Variants in SAP30BP observed in about 807,000 individuals in gnomAD.
SAP30BP encodes the protein SAP30 binding protein.
Under a neutral mutation model 46.3 loss-of-function variants are expected in SAP30BP, and 31 were observed. The observed-to-expected ratio is 0.67, with a 90% confidence interval of 0.50 to 0.90. SAP30BP has a LOEUF of 0.90. Ranked by LOEUF, SAP30BP falls within the 40% of genes least tolerant of loss-of-function variation. The pLI, the probability that SAP30BP is intolerant of heterozygous loss-of-function variation, is 0.00. For missense variants in SAP30BP, 312 were observed against 391.0 expected, an observed-to-expected ratio of 0.80 and a Z score of 1.70; for synonymous variants, 169 against 144.2, an observed-to-expected ratio of 1.17 and a Z score of -1.23.
At chr17:75,699,899 C>G in intron 5 of SAP30BP, 28 bp downstream of exon 5, 2 of 1,521,912 alleles carry the variant, frequency 1.3e-6, no homozygotes, top group Non-Finnish European at 1.8e-6. Flanking sequence ...CTACTGAGGT[C>G]GGATAGATTA....
At chr17:75,675,114 G>A (rs147914012) in intron 3 of SAP30BP, among the ~76,000 whole-genome samples, 92 of 152,142 alleles carry the variant, frequency 6.0e-4, no homozygotes, top group African/African-American at 2.0e-3. Flanking sequence ...CCACTAGGTG[G>A]CATTCTCCTT....
chr17:75,675,487 T>A (rs1188964741), intron 3 of SAP30BP, among the ~76,000 whole-genome samples: 1 of 152,212 alleles, frequency 6.6e-6, no homozygotes, highest in East Asian at 1.9e-4. Flanking sequence ...TTTTTTTCAG[T>A]AGTTCTCAAA....
At chr17:75,668,803 A>T (rs1163881879) in intron 2 of SAP30BP, among the ~76,000 whole-genome samples, 178 bp downstream of exon 2, 1 of 152,230 alleles carries the variant, frequency 6.6e-6, no homozygotes, top group African/African-American at 2.4e-5. Flanking sequence ...ATGTATTTTC[A>T]CATGGATCAT....
rs780885596 is a variant in SAP30BP, at chr17:75,667,389, A to G, written c.17A>G (p.Asn6Ser). 1.2e-6 allele frequency: 2 copies of G among 1,614,074 alleles called. No individual in the cohort carries two copies. The highest frequency in any genetic ancestry group is 1.7e-6 in the Non-Finnish European group (2 of 1,180,034). ...GGGAATAAGATGGCGGGGAAGAAGA[A>G]TGTTCTGTCGTCTCTCGCAGTTTAC... MAGKK[N>S]VLSSLAVYAE... Residue 6 changes from asparagine (N) to serine (S), a missense_variant, in exon 1 of 11, where the codon AAT (asparagine) becomes AGT (serine). Asn to Ser is a conservative substitution (Grantham distance 46). Coordinates refer to ENST00000584667, the MANE Select transcript of SAP30BP (RefSeq NM_013260.8).
At chr17:75,672,905 A>G (rs567113435) in intron 3 of SAP30BP, among the ~76,000 whole-genome samples, 1 of 152,052 alleles carries the variant, frequency 6.6e-6, no homozygotes, top group East Asian at 1.9e-4. Flanking sequence ...CAGAGGTTGC[A>G]GTGAGCCATG....
chr17:75,694,006 G>C (rs2060277422), intron 4 of SAP30BP, among the ~76,000 whole-genome samples: 1 of 152,130 alleles, frequency 6.6e-6, no homozygotes, highest in African/African-American at 2.4e-5. Context: ...TCCTGTGCTA[G>C]CCCCAGCCTT....
chr17:75,684,846 A>G (rs549648697), intron 3 of SAP30BP: 1 of 152,312 alleles, frequency 6.6e-6, no homozygotes, highest in Admixed American at 6.5e-5. Context: ...AGGGAAGGAA[A>G]TCCAAGCCTG....
At chr17:75,670,114 G>A (rs916676553) in intron 2 of SAP30BP, among the ~76,000 whole-genome samples, 4 of 152,064 alleles carry the variant, frequency 2.6e-5, no homozygotes, top group African/African-American at 9.7e-5. Flanking sequence ...ACAAGGTCAG[G>A]AGATCAAGAC....
intron 3 of SAP30BP, among the ~76,000 whole-genome samples, chr17:75,676,296 G>C (rs1279766736): frequency 6.6e-6 from 1 of 152,164 alleles, no homozygotes; most frequent in Non-Finnish European, 1.5e-5. Flanking sequence ...GAAAATTGCT[G>C]ATGTACTGAG....
rs148806185 is a variant in SAP30BP at position 75,696,847 on chromosome 17, G to A, written c.308-2936G>A. On this transcript the variant is annotated intron_variant, in intron 4 of 10. Coordinates refer to ENST00000584667, the MANE Select transcript of SAP30BP (RefSeq NM_013260.8). ...GGCTGGAGTGCAGTGGTGCAATCTC[G>A]GCTCACTGTAAGCTCCGCCTCCTGG... Among the ~76,000 whole-genome samples, 795 of 146,358 alleles carry A rather than the reference G, an allele frequency of 5.4e-3. 8 individuals are homozygous for A. The highest frequency in any genetic ancestry group is 0.019 in the African/African-American group (749 of 39,580).
At chr17:75,683,596 G>A (rs575037230) in intron 3 of SAP30BP, 1 of 152,304 alleles carries the variant, frequency 6.6e-6, no homozygotes, top group East Asian at 1.9e-4. Context: ...TCCCTCTAAT[G>A]AAGTTCTCTG....
At chr17:75,669,991 G>T (rs1171920099) in intron 2 of SAP30BP, among the ~76,000 whole-genome samples, 4 of 152,094 alleles carry the variant, frequency 2.6e-5, no homozygotes, top group African/African-American at 9.7e-5. Flanking sequence ...TTATTTGTTT[G>T]AAATTTTTGT....
At chr17:75,700,752 C>T (rs1280715428) in intron 5 of SAP30BP, among the ~76,000 whole-genome samples, 2 of 152,196 alleles carry the variant, frequency 1.3e-5, no homozygotes, top group Admixed American at 6.5e-5. Flanking sequence ...CGTCACCCTC[C>T]GTGCCAGACA....
chr17:75,691,406 A>G lies in SAP30BP; in HGVS notation c.265-2034A>G, dbSNP rs116758195. The G allele has an allele frequency of 4.3e-3, 1,970 of 456,596 alleles. 11 individuals carry two copies. Among genetic ancestry groups the G allele is most frequent in the African/African-American group, 0.026 (1,310 of 50,168 alleles). 28.3% of individuals were successfully genotyped at this position (456,596 alleles called of 1,614,324 possible). A position where few individuals can be genotyped will look rare whatever the true frequency, so the allele number is the denominator to read the frequency against. On this transcript the variant is annotated intron_variant, in intron 3 of 10. Coordinates refer to ENST00000584667, the MANE Select transcript of SAP30BP (RefSeq NM_013260.8). ...TCTTTTCTTCCAGAGACGTGACTCA[A>G]CAACCTCAGCTGAGCCTGGCAGCAC... is the stretch of plus-strand genomic sequence containing the variant.
Position 75,706,386 on chromosome 17 carries a change from A to C in SAP30BP, c.792A>C (p.Thr264=). Residue 264 remains threonine (T), a synonymous_variant, in exon 11 of 11, where the codon ACA becomes ACC. Coordinates refer to ENST00000584667, the MANE Select transcript of SAP30BP (RefSeq NM_013260.8). This position sits in a 1 kb window ranked among gnomAD's most constrained non-coding sequence, Gnocchi z 4.6. ...AGTGGGATTCGGCTATCCCAGTGAC[A>C]ACGATAGCCCAGCCCACCATCCTCA... ...KSKWDSAIPV[T]TIAQPTILTT... 2 of 1,614,026 alleles carry C rather than the reference A, an allele frequency of 1.2e-6. No individual in the cohort carries two copies. Among genetic ancestry groups the C allele is most frequent in the South Asian group, 2.2e-5 (2 of 91,084 alleles).
In SAP30BP at chr17:75,708,046, T is replaced by A. The variant is rs1038327275; in HGVS notation, c.*1525T>A. 2 of 151,682 alleles carry A rather than the reference T, an allele frequency of 1.3e-5. No individual in the cohort carries two copies. The highest frequency in any genetic ancestry group is 1.3e-4 in the Admixed American group (2 of 15,148). The allele number at this position is 151,682 out of a possible 1,614,324, so 9.4% of individuals were successfully genotyped here. A position where few individuals can be genotyped will look rare whatever the true frequency, so the allele number is the denominator to read the frequency against. ...ACTTATGCAAAAGCTTTATAAACTG[T>A]AAAGTTCCTGCCAGTGTTTTTTGTT... is the stretch of plus-strand genomic sequence containing the variant. On this transcript the variant is annotated 3_prime_UTR_variant, in exon 11 of 11. Coordinates refer to ENST00000584667, the MANE Select transcript of SAP30BP (RefSeq NM_013260.8).
In SAP30BP at chr17:75,706,701, A is replaced by G. The variant is rs2060502437; in HGVS notation, c.*180A>G. On this transcript the variant is annotated 3_prime_UTR_variant, in exon 11 of 11. Coordinates refer to ENST00000584667, the MANE Select transcript of SAP30BP (RefSeq NM_013260.8). This position sits in a 1 kb window ranked among gnomAD's most constrained non-coding sequence, Gnocchi z 4.6. ...AGCACGGGAGCCAGGCGCTGTGGAC[A>G]GGGTCTGTCCACGCACCACCTGGGG... The G allele has an allele frequency of 1.6e-6, 1 of 623,722 alleles. No homozygotes were observed. The highest frequency in any genetic ancestry group is 2.7e-5 in the East Asian group (1 of 36,374). 38.6% of individuals were successfully genotyped at this position (623,722 alleles called of 1,614,324 possible).
intron 3 of SAP30BP, chr17:75,691,403 TCAA>T: frequency 2.2e-6 from 1 of 456,466 alleles, no homozygotes; most frequent in South Asian, 1.5e-5. Flanking sequence ...GAGACGTGAC[TCAA>T]CAACCTCAGC....
Position 75,702,482 on chromosome 17 carries a change from C to T in SAP30BP, c.399C>T (p.Asp133=), listed in dbSNP as rs1024790144. The change falls in exon 6 of 11, where the codon GAC becomes GAT. Residue 133 remains aspartate (D), a splice_region_variant and synonymous_variant. Transcript: ENST00000584667. The part of the protein sequence containing the change: ...PPGRCSNHLQ[D]KIQKLYERKI... Reference sequence around the variant, plus strand: ...ACCCCCTCTGCTCCTCTTCACAGGACAAGATCCAGAAGCTTTATGAACGAA... The same window carrying T: ...ACCCCCTCTGCTCCTCTTCACAGGATAAGATCCAGAAGCTTTATGAACGAA... 1.3e-6 allele frequency: 2 copies of T among 1,512,438 alleles called. No homozygotes were observed. Among genetic ancestry groups the T allele is most frequent in the Non-Finnish European group, 1.8e-6 (2 of 1,090,670 alleles). 93.7% of individuals were successfully genotyped at this position (1,512,438 alleles called of 1,614,324 possible).
Sources: allele counts gnomAD v4.1 joint callset (sites outside exome capture counted in the v4.1 genomes callset), GRCh38; gene constraint gnomAD v4.1.1; non-coding constraint Gnocchi (gnomAD v3.1); transcripts MANE v1.5; gene names NCBI Gene and HGNC (gene_info 2026-07-23, HGNC 2026-07-21).